Variants in TENM3 observed in about 807,000 individuals in gnomAD.
TENM3 encodes teneurin transmembrane protein 3, also known as teneurin-3.
A neutral mutation model predicts 255.1 loss-of-function variants in TENM3; 63 were observed. The ratio of observed to expected loss-of-function variants is 0.25; its 90% CI spans 0.20 to 0.30. The LOEUF (loss-of-function observed/expected upper bound fraction) is 0.30, where lower values mean the gene tolerates loss of function less well. Among genes scored for constraint, TENM3 ranks in the 10% least tolerant of loss-of-function variants. The pLI is 1.00. For synonymous variants in TENM3, 1,306 were observed against 1,322.3 expected (o/e 0.99, Z 0.27); for missense variants, 2,929 against 3,461.1 (o/e 0.85, Z 3.86).
At chr4:181,951,949 T>C in the TENM3 span, among the ~76,000 whole-genome samples, 1 of 152,312 alleles carries the variant, frequency 6.6e-6, no homozygotes, top group South Asian at 2.1e-4. Flanking sequence ...GCTTGCTGCT[T>C]GTCTAGTGGG....
chr4:182,445,267 A>C (rs555553153), intron 3 of TENM3, among the ~76,000 whole-genome samples: 1 of 152,342 alleles, frequency 6.6e-6, no homozygotes, highest in Non-Finnish European at 1.5e-5. Flanking sequence ...CCAGTTCTTC[A>C]TCTATAAAAT....
chr4:181,744,251 T>G, the TENM3 span, among the ~76,000 whole-genome samples: 4 of 152,208 alleles, frequency 2.6e-5, no homozygotes, highest in Non-Finnish European at 5.9e-5. Flanking sequence ...TGATTCTATG[T>G]CTTTGCTATT....
intron 22 of TENM3, among the ~76,000 whole-genome samples, chr4:182,760,546 C>T (rs1363902451): frequency 4.0e-5 from 6 of 149,976 alleles, no homozygotes; most frequent in Non-Finnish European, 7.4e-5. Flanking sequence ...AGGTTAGCGA[C>T]ATTTTTTTAA....
chr4:181,493,482 G>C, the TENM3 span, among the ~76,000 whole-genome samples: 1 of 152,034 alleles, frequency 6.6e-6, no homozygotes, highest in Non-Finnish European at 1.5e-5. Flanking sequence ...TGTAATCCCA[G>C]CACTTTGAGA....
intron 3 of TENM3, among the ~76,000 whole-genome samples, chr4:182,477,223 T>A (rs955274919): frequency 4.4e-4 from 67 of 152,330 alleles, no homozygotes; most frequent in African/African-American, 1.6e-3. Context: ...GTCTAGAACC[T>A]TTGAAATGAC....
At chr4:181,726,122 A>C in the TENM3 span, among the ~76,000 whole-genome samples, 3 of 152,122 alleles carry the variant, frequency 2.0e-5, no homozygotes, top group Non-Finnish European at 4.4e-5. Flanking sequence ...ATTAAAATAT[A>C]AATATATTTT....
chr4:181,691,235 T>TTGTGTG, the TENM3 span, among the ~76,000 whole-genome samples: 12 of 150,936 alleles, frequency 8.0e-5, no homozygotes, highest in African/African-American at 1.9e-4. Context: ...AAATATGATC[T>TTGTGTG]TGTGTGTGTG....
At chr4:182,619,747 A>G (rs927087538) in intron 4 of TENM3, among the ~76,000 whole-genome samples, 2 of 152,094 alleles carry the variant, frequency 1.3e-5, no homozygotes, top group African/African-American at 2.4e-5. Context: ...TTTGAAATTG[A>G]TTTTCCTCAT....
At chr4:181,732,509 G>A in the TENM3 span, among the ~76,000 whole-genome samples, 2 of 152,082 alleles carry the variant, frequency 1.3e-5, no homozygotes. Flanking sequence ...CCATTATAAT[G>A]AAAAAGGATA....
chr4:181,796,718 G>A, the TENM3 span, among the ~76,000 whole-genome samples: 2 of 152,164 alleles, frequency 1.3e-5, no homozygotes, highest in Non-Finnish European at 2.9e-5. Context: ...CAGCAGGAGC[G>A]AGTTCATGAA....
intron 1 of TENM3, among the ~76,000 whole-genome samples, chr4:182,281,857 T>C (rs1052168582): frequency 5.3e-5 from 8 of 152,166 alleles, no homozygotes; most frequent in Admixed American, 3.9e-4. Context: ...TGCCTCAGCC[T>C]CCAGAGTAGC....
the TENM3 span, among the ~76,000 whole-genome samples, chr4:181,961,810 A>C: frequency 6.6e-6 from 1 of 152,290 alleles, no homozygotes; most frequent in African/African-American, 2.4e-5. Context: ...ACTTTCACAT[A>C]GTTTCTTCAA....
the TENM3 span, among the ~76,000 whole-genome samples, chr4:182,045,549 G>A: frequency 7.2e-5 from 11 of 152,002 alleles, no homozygotes; most frequent in African/African-American, 2.4e-4. Context: ...AAGTTGAATC[G>A]CGATTTACTC....
the TENM3 span, among the ~76,000 whole-genome samples, chr4:181,922,094 A>G: frequency 1.3e-5 from 2 of 152,140 alleles, no homozygotes; most frequent in Non-Finnish European, 2.9e-5. Flanking sequence ...CCACTTGATC[A>G]TGGTGGATAA....
the TENM3 span, among the ~76,000 whole-genome samples, chr4:181,595,755 T>C: frequency 6.6e-6 from 1 of 152,138 alleles, no homozygotes; most frequent in Non-Finnish European, 1.5e-5. Flanking sequence ...TGACCTCCTA[T>C]CTTTTTGTCC....
intron 22 of TENM3, among the ~76,000 whole-genome samples, chr4:182,770,773 T>C (rs1458158542): frequency 6.6e-6 from 1 of 152,200 alleles, no homozygotes; most frequent in East Asian, 1.9e-4. Context: ...GTTTTCACAA[T>C]ATCCTCACGC....
chr4:182,692,882 C>G (rs1397727882), intron 12 of TENM3, among the ~76,000 whole-genome samples: 1 of 151,838 alleles, frequency 6.6e-6, no homozygotes, highest in East Asian at 1.9e-4. Context: ...ATCCGTTATC[C>G]TAAAAGATCA....
the TENM3 span, among the ~76,000 whole-genome samples, chr4:181,669,552 AG>A: frequency 6.6e-6 from 1 of 152,054 alleles, no homozygotes; most frequent in East Asian, 1.9e-4. Flanking sequence ...CTTAGCAAGG[AG>A]GGTTTCTTCC....
intron 3 of TENM3, among the ~76,000 whole-genome samples, chr4:182,495,302 A>G (rs1338778220): frequency 6.6e-6 from 1 of 152,196 alleles, no homozygotes; most frequent in Non-Finnish European, 1.5e-5. Flanking sequence ...TGATCTCTGC[A>G]GCTGCTGTGA....
Sources: allele counts gnomAD v4.1 joint callset (sites outside exome capture counted in the v4.1 genomes callset), GRCh38; gene constraint gnomAD v4.1.1; transcripts MANE v1.5; gene names NCBI Gene and HGNC (gene_info 2026-07-23, HGNC 2026-07-21).